NMRAL1: variants seen among roughly 807,000 people sequenced by gnomAD.
NMRAL1 encodes the protein NmrA like redox sensor 1.
Under a neutral mutation model 27.5 loss-of-function variants are expected in NMRAL1, and 32 were observed. The observed-to-expected ratio is 1.16, with a 90% CI of 0.88 to 1.56. The LOEUF is 1.56. Among genes scored for constraint, NMRAL1 ranks in the 40% most tolerant of loss-of-function variants. NMRAL1 has a pLI of 0.00. For missense variants in NMRAL1, 420 were observed against 392.0 expected, an observed-to-expected ratio of 1.07 and a Z score of -0.60; for synonymous variants, 166 against 166.8, an observed-to-expected ratio of 1.00 and a Z score of 0.04.
chr16:4,463,743 CGAT>C lies in NMRAL1; in HGVS notation c.634_636del (p.Ile212del). The C allele has an allele frequency of 6.2e-7, 1 of 1,613,986 alleles. No individual in the cohort carries two copies. Among genetic ancestry groups the C allele is most frequent in the Non-Finnish European group, 8.5e-7 (1 of 1,180,006 alleles). The stretch of plus-strand genomic sequence containing the variant: ...GCCGTGTGCCTGCAAGTGCTCAGCC[CGAT>C]GTTCTGGCCGACGTATTTTTCTGGC... On this transcript the variant is annotated inframe_deletion, in exon 5 of 6. Coordinates refer to ENST00000283429, the MANE Select transcript of NMRAL1 (RefSeq NM_020677.6).
At position 4,469,338 on chromosome 16, in the gene NMRAL1, C is replaced by G. The variant is rs1232841519; in HGVS notation, c.168G>C (p.Gln56His). 1 of 1,614,028 alleles carries G rather than the reference C, an allele frequency of 6.2e-7. No individual in the cohort carries two copies. The highest frequency in any genetic ancestry group is 8.5e-7 in the Non-Finnish European group (1 of 1,179,974). ...TGATGACCTGGTCATCTTGGTCTCC[C>G]TGCACTACTTCTGCACCTTGCAGCC... The part of the protein sequence containing the change: ...ELRLQGAEVV[Q>H]GDQDDQVIME... The change falls in exon 3 of 6, where the codon CAG (glutamine) becomes CAC (histidine). Residue 56 changes from glutamine (Q) to histidine (H), a missense_variant. Transcript: ENST00000283429.
In NMRAL1 at chr16:4,474,563, C is replaced by G. The variant is rs1464876352; in HGVS notation, c.-44G>C. Reference sequence around the variant, plus strand: ...GCAGCTCCGGCCCCACCTGGCAGAGCGCCGCTCACGGAAGCCCAGCGTCGG... The same window carrying G: ...GCAGCTCCGGCCCCACCTGGCAGAGGGCCGCTCACGGAAGCCCAGCGTCGG... On this transcript the variant is annotated 5_prime_UTR_variant, in exon 1 of 6. Coordinates refer to ENST00000283429, the MANE Select transcript of NMRAL1 (RefSeq NM_020677.6). The G allele has an allele frequency of 6.3e-6, 1 of 158,656 alleles. No individual in the cohort carries two copies. The highest frequency in any genetic ancestry group is 1.4e-5 in the Non-Finnish European group (1 of 72,094). 9.8% of individuals were successfully genotyped at this position (158,656 alleles called of 1,614,324 possible). A position where few individuals can be genotyped will look rare whatever the true frequency, so the allele number is the denominator to read the frequency against.
At chr16:4,472,073 T>G (rs1043201991) in intron 2 of NMRAL1, among the ~76,000 whole-genome samples, 1 of 147,424 alleles carries the variant, frequency 6.8e-6, no homozygotes, top group Non-Finnish European at 1.5e-5. Flanking sequence ...AGACCCTGAC[T>G]CAGAAAAAAG....
Position 4,464,229 on chromosome 16 carries a change from C to G in NMRAL1, c.530-379G>C, listed in dbSNP as rs922990473. 2.7e-5 allele frequency: 7 copies of G among 263,624 alleles called. No individual in the cohort carries two copies. The East Asian group carries it at 6.3e-4, about 24-fold the overall frequency. 16.3% of individuals were successfully genotyped at this position (263,624 alleles called of 1,614,324 possible). ...AGAGTGTGGCTGGAGCCCAGGGTCTCCGCTAATCTGGAGGCACCAGCCTGA... is the reference window on the plus strand; with the variant it reads ...AGAGTGTGGCTGGAGCCCAGGGTCTGCGCTAATCTGGAGGCACCAGCCTGA... On this transcript the variant is annotated intron_variant, in intron 4 of 5. Transcript: ENST00000283429.
chr16:4,471,975 T>C (rs773939746), intron 2 of NMRAL1, among the ~76,000 whole-genome samples: 1 of 152,030 alleles, frequency 6.6e-6, no homozygotes, highest in Non-Finnish European at 1.5e-5. Flanking sequence ...CTCAGGCGAA[T>C]GAGTCAGGAG....
At chr16:4,474,646 G>C (rs2057762599), upstream of NMRAL1, 1 of 154,312 alleles carries the variant, frequency 6.5e-6, no homozygotes, top group African/African-American at 2.4e-5. Context: ...CTCCTCCGGC[G>C]CAGTTGGCTC....
At chr16:4,468,614 T>TAAAA (rs2057420563) in intron 3 of NMRAL1, among the ~76,000 whole-genome samples, 2 of 56,258 alleles carry the variant, frequency 3.6e-5, no homozygotes, top group African/African-American at 1.2e-4. Context: ...AGACTCAGTC[T>TAAAA]CAAAAAAAAA....
At chr16:4,475,260 A>G (rs2057786277), upstream of NMRAL1, among the ~76,000 whole-genome samples, 1 of 149,218 alleles carries the variant, frequency 6.7e-6, no homozygotes, top group Non-Finnish European at 1.5e-5. Flanking sequence ...GCCCTAACTC[A>G]CTTCTGAAGT....
At position 4,464,393 on chromosome 16, in the gene NMRAL1, T is replaced by C. The variant is rs572803601; in HGVS notation, c.530-543A>G. 1.1e-3 allele frequency among the ~76,000 whole-genome samples: 173 copies of C among 152,288 alleles called. 1 individual carries two copies. The highest frequency in any genetic ancestry group is 4.1e-3 in the African/African-American group (169 of 41,554). ...CCTAGAGCAGCACGTCCATGATAAA[T>C]GCTTCATAAATCCTGAATGAATGAA... is the stretch of plus-strand genomic sequence containing the variant. On this transcript the variant is annotated intron_variant, in intron 4 of 5. Transcript: ENST00000283429.
Position 4,466,088 on chromosome 16 carries a change from C to G in NMRAL1, c.529+65G>C, listed in dbSNP as rs1402488702. The G allele has an allele frequency of 6.9e-6, 11 of 1,595,906 alleles. No homozygotes were observed. In the Admixed American group the frequency reaches 1.9e-4, roughly 27 times the overall value. On this transcript the variant is annotated intron_variant, in intron 4 of 5. Transcript: ENST00000283429. ...GCACCACGTGACAGCGGCCCGCGGT[C>G]TGTTACACCAACGGCTTTACAGGGT...
At chr16:4,471,023 C>T (rs1304677333) in intron 2 of NMRAL1, among the ~76,000 whole-genome samples, 2 of 151,850 alleles carry the variant, frequency 1.3e-5, no homozygotes, top group East Asian at 3.9e-4. Flanking sequence ...AGGAGAATCG[C>T]TTGAACCAGG....
intron 5 of NMRAL1, 59 bp from the exon 6 acceptor site, chr16:4,462,018 G>T: frequency 6.8e-7 from 1 of 1,479,848 alleles, no homozygotes; most frequent in Non-Finnish European, 9.2e-7. Flanking sequence ...AGGTGGCGGG[G>T]CAGGGAGGCC....
At chr16:4,468,354 G>A (rs935501062) in intron 3 of NMRAL1, among the ~76,000 whole-genome samples, 2 of 152,014 alleles carry the variant, frequency 1.3e-5, no homozygotes, top group African/African-American at 4.8e-5. Context: ...TGTGGCTTAC[G>A]CCTGTAATCC....
intron 5 of NMRAL1, among the ~76,000 whole-genome samples, chr16:4,462,633 G>A (rs1025122101): frequency 6.6e-6 from 1 of 152,140 alleles, no homozygotes; most frequent in African/African-American, 2.4e-5. Flanking sequence ...CAGCACTTTG[G>A]GAGGTGGAGG....
chr16:4,464,611 G>GTT (rs775753695), intron 4 of NMRAL1, among the ~76,000 whole-genome samples: 63 of 133,058 alleles, frequency 4.7e-4, no homozygotes, highest in African/African-American at 1.4e-3. Context: ...CTGACTGCAG[G>GTT]TTTTTTTTTT....
At chr16:4,474,377 T>G in intron 1 of NMRAL1, 177 bp downstream of exon 1, 1 of 492,072 alleles carries the variant, frequency 2.0e-6, no homozygotes, top group Non-Finnish European at 3.7e-6. Flanking sequence ...CCTCCCCCGG[T>G]TCCAGTCACC....
At chr16:4,466,798 C>A in intron 3 of NMRAL1, 1 of 223,132 alleles carries the variant, frequency 4.5e-6, no homozygotes, top group South Asian at 7.2e-5. Context: ...ACCACAGCTG[C>A]CTAGGTTCAA....
At chr16:4,469,815 T>A (rs1227782674) in intron 2 of NMRAL1, 2 of 232,608 alleles carry the variant, frequency 8.6e-6, no homozygotes, top group East Asian at 1.9e-4. Context: ...TGCAGTGAGC[T>A]GAGATTGCGC....
Position 4,465,235 on chromosome 16 carries a change from G to T in NMRAL1, c.529+918C>A, listed in dbSNP as rs577806604. 3.3e-5 allele frequency among the ~76,000 whole-genome samples: 5 copies of T among 152,278 alleles called. No homozygotes were observed. The South Asian group carries it at 1.0e-3, about 32-fold the overall frequency. ...CCAGCTTTGCAAACTATAATAAATG[G>T]TGGTACCAAAGGGCTACTGTTACCA... On this transcript the variant is annotated intron_variant, in intron 4 of 5. Transcript: ENST00000283429.
Sources: allele counts gnomAD v4.1 joint callset (sites outside exome capture counted in the v4.1 genomes callset), GRCh38; gene constraint gnomAD v4.1.1; transcripts MANE v1.5; gene names NCBI Gene and HGNC (gene_info 2026-07-23, HGNC 2026-07-21).